The following SPATA31D1 variants were observed in gnomAD, a reference collection of about 807,000 sequenced individuals.
SPATA31D1 encodes SPATA31 subfamily D member 1, also known as spermatogenesis-associated protein 31D1.
In SPATA31D1, 6 loss-of-function variants were observed where a neutral mutation model predicts 13.2. That is an observed-to-expected ratio of 0.46 (90% CI 0.25 to 0.90). The LOEUF is 0.90. Ranked by LOEUF, SPATA31D1 falls within the 40% of genes least tolerant of loss-of-function variation. SPATA31D1 has a pLI of 0.18. For missense variants in SPATA31D1, 2,445 were observed against 1,884.7 expected, an observed-to-expected ratio of 1.30 and a Z score of -5.50; for synonymous variants, 903 against 718.8, an observed-to-expected ratio of 1.26 and a Z score of -4.10.
rs375482322 is a variant in SPATA31D1, at chr9:81,990,895, A to T, written c.425A>T (p.Gln142Leu). Reference sequence around the variant, plus strand: ...AAGAGAGCAACTGCTGATATCCAGCAACTGCTGTCTTGGGAGTCCCTGAAA... The same window carrying T: ...AAGAGAGCAACTGCTGATATCCAGCTACTGCTGTCTTGGGAGTCCCTGAAA... The part of the protein sequence containing the change: ...VCKRATADIQ[Q>L]LLSWESLKDA... The change falls in exon 4 of 4, where the codon CAA becomes CTA. Residue 142 changes from glutamine (Q) to leucine (L), a missense_variant. By Grantham distance (113) the Gln-to-Leu change is moderately radical (BLOSUM62 -2). Coordinates refer to ENST00000344803, the MANE Select transcript of SPATA31D1 (RefSeq NM_001001670.3). The T allele has an allele frequency of 6.2e-7, 1 of 1,613,876 alleles. No homozygotes were observed. Among genetic ancestry groups the T allele is most frequent in the Non-Finnish European group, 8.5e-7 (1 of 1,179,866 alleles).
chr9:81,992,096 T>A lies in SPATA31D1; in HGVS notation c.1626T>A (p.His542Gln). 2 of 1,613,750 alleles carry A rather than the reference T, an allele frequency of 1.2e-6. 1 individual carries two copies. Among genetic ancestry groups the A allele is most frequent in the Non-Finnish European group, 1.7e-6 (2 of 1,179,726 alleles). The change falls in exon 4 of 4, where the codon CAT (histidine) becomes CAA (glutamine). Residue 542 changes from histidine to glutamine, a missense_variant. His to Gln is a conservative substitution (Grantham distance 24). Transcript: ENST00000344803. ...FNGITNTSIS[H>Q]ESPVLPPPQP... Reference sequence around the variant, plus strand: ...GCATTACAAATACATCTATATCCCATGAATCCCCAGTACTTCCCCCTCCCC... The same window carrying A: ...GCATTACAAATACATCTATATCCCAAGAATCCCCAGTACTTCCCCCTCCCC...
Position 81,992,657 on chromosome 9 carries a change from T to C in SPATA31D1, c.2187T>C (p.His729=), listed in dbSNP as rs745710584. ...ISELSVSERI[H]GPLNISLVEG... is the part of the protein sequence containing the mutation. ...AGCTATCTGTGTCAGAGAGAATTCA[T>C]GGACCGTTAAATATCTCTTTGGTTG... The change falls in exon 4 of 4, where the codon CAT becomes CAC. Residue 729 remains histidine, a synonymous_variant. Transcript: ENST00000344803. 2.5e-6 allele frequency: 4 copies of C among 1,613,718 alleles called. No homozygotes were observed. Among genetic ancestry groups the C allele is most frequent in the Non-Finnish European group, 2.5e-6 (3 of 1,179,744 alleles).
chr9:81,987,972 A>G (rs1824884224), upstream of SPATA31D1, among the ~76,000 whole-genome samples: 1 of 152,182 alleles, frequency 6.6e-6, no homozygotes. Context: ...GTGCACATGG[A>G]ATACATGAGG....
Position 81,991,646 on chromosome 9 carries a change from G to A in SPATA31D1, c.1176G>A (p.Gly392=). The A allele has an allele frequency of 5.6e-6, 9 of 1,613,914 alleles. No homozygotes were observed. Among genetic ancestry groups the A allele is most frequent in the Admixed American group, 1.7e-5 (1 of 60,018 alleles). ...ATTCTTCTGAGGCCTTTTTAGGGGG[G>A]CACTCTGTGGCCAACCTCATAGAGC... The part of the protein sequence containing the change: ...TLHSSEAFLG[G]HSVANLIEPV... The change falls in exon 4 of 4, where the codon GGG becomes GGA. Residue 392 remains glycine, a synonymous_variant. Coordinates refer to ENST00000344803, the MANE Select transcript of SPATA31D1 (RefSeq NM_001001670.3).
In SPATA31D1 at chr9:81,992,997, G is replaced by C. The variant is rs773588800; in HGVS notation, c.2527G>C (p.Glu843Gln). The C allele has an allele frequency of 7.4e-6, 12 of 1,613,682 alleles. No homozygotes were observed. The highest frequency in any genetic ancestry group is 1.0e-5 in the Non-Finnish European group (12 of 1,179,732). The change falls in exon 4 of 4, where the codon GAG becomes CAG. Residue 843 changes from glutamate to glutamine, a missense_variant. Coordinates refer to ENST00000344803, the MANE Select transcript of SPATA31D1 (RefSeq NM_001001670.3). The part of the protein sequence containing the change: ...RLSKKFEEIN[E>Q]GRMPGTVHSS... ...GAGCAAGAAATTTGAGGAAATCAAT[G>C]AGGGTCGAATGCCTGGGACTGTGCA...
In SPATA31D1 at chr9:81,993,075, A is replaced by C; in HGVS notation, c.2605A>C (p.Ser869Arg). 6.2e-7 allele frequency: 1 copy of C among 1,613,834 alleles called. No homozygotes were observed. Among genetic ancestry groups the C allele is most frequent in the Non-Finnish European group, 8.5e-7 (1 of 1,179,750 alleles). Reference protein sequence around the residue: ...QTMSLPEKSHSQIKHRNLVTL... With the variant: ...QTMSLPEKSHRQIKHRNLVTL... The stretch of plus-strand genomic sequence containing the variant: ...AATGTCTCTTCCTGAGAAATCCCAC[A>C]GCCAAATTAAACATCGAAATCTGGT... The change falls in exon 4 of 4, where the codon AGC (serine) becomes CGC (arginine). Residue 869 changes from serine (S) to arginine (R), a missense_variant. Ser to Arg is a moderately radical substitution (Grantham distance 110). Coordinates refer to ENST00000344803, the MANE Select transcript of SPATA31D1 (RefSeq NM_001001670.3).
At chr9:81,987,574 A>G (rs1272220188), upstream of SPATA31D1, among the ~76,000 whole-genome samples, 11 of 152,354 alleles carry the variant, frequency 7.2e-5, no homozygotes, top group Admixed American at 1.3e-4. Context: ...AGTATGTTCC[A>G]AAAGTGCTTG....
intron 2 of SPATA31D1, 92 bp downstream of exon 2, chr9:81,989,915 T>G: frequency 7.0e-7 from 1 of 1,426,628 alleles, no homozygotes; most frequent in Non-Finnish European, 9.6e-7. Flanking sequence ...GAATGTCAGT[T>G]ACTAGATGCA....
rs1338373297 is a variant in SPATA31D1 at position 81,995,173 on chromosome 9, A to G, written c.4703A>G (p.Gln1568Arg). ...TGQKMLPKHL[Q>R]GGKFPPTK is the part of the protein sequence containing the mutation. ...CAGAAAATGCTTCCAAAGCATTTAC[A>G]GGGAGGAAAATTTCCCCCCACAAAA... is the stretch of plus-strand genomic sequence containing the variant. Residue 1568 changes from glutamine (Q) to arginine (R), a missense_variant, in exon 4 of 4, where the codon CAG becomes CGG. By Grantham distance (43) the Gln-to-Arg change is conservative (BLOSUM62 1). Transcript: ENST00000344803. 2 of 1,541,876 alleles carry G rather than the reference A, an allele frequency of 1.3e-6. No individual in the cohort carries two copies. The highest frequency in any genetic ancestry group is 4.1e-5 in the Admixed American group (2 of 48,726).
chr9:81,988,002 G>A (rs1277417731), upstream of SPATA31D1, among the ~76,000 whole-genome samples: 1 of 152,172 alleles, frequency 6.6e-6, no homozygotes, highest in Non-Finnish European at 1.5e-5. Context: ...ACAGAACTGT[G>A]CATGCGGAGG....
rs976544795 is a variant in SPATA31D1, at chr9:81,988,938, G to A, written c.120G>A (p.Leu40=). 2.5e-6 allele frequency: 4 copies of A among 1,612,288 alleles called. No homozygotes were observed. Among genetic ancestry groups the A allele is most frequent in the Admixed American group, 1.7e-5 (1 of 59,992 alleles). Residue 40 remains leucine (L), a synonymous_variant, in exon 1 of 4, where the codon CTG becomes CTA. Coordinates refer to ENST00000344803, the MANE Select transcript of SPATA31D1 (RefSeq NM_001001670.3). ...TGAGTGGGTTGGGGTTGTTTATACT[G>A]TACTTGTTCTACGTGGTATTGACCC... is the stretch of plus-strand genomic sequence containing the variant. ...ICLSGLGLFI[L]YLFYVVLTLY...
chr9:81,990,663 A>G (rs1824933987), intron 3 of SPATA31D1, 110 bp from the exon 4 acceptor site: 3 of 1,407,872 alleles, frequency 2.1e-6, no homozygotes, highest in Non-Finnish European at 2.9e-6. Flanking sequence ...AGGACCTCAT[A>G]TACGGTGAGG....
Position 81,991,026 on chromosome 9 carries a change from C to T in SPATA31D1, c.556C>T (p.Leu186=), listed in dbSNP as rs559788211. Residue 186 remains leucine, a synonymous_variant, in exon 4 of 4, where the codon CTG becomes TTG. Transcript: ENST00000344803. ...AGCAACCCCTCCAGAAGACCTAATA[C>T]TGTCCCCTCGGCCTAAGGCCTCTCC... ...PSATPPEDLI[L]SPRPKASPPP... The T allele has an allele frequency of 5.6e-6, 9 of 1,613,726 alleles. No homozygotes were observed. Among genetic ancestry groups the T allele is most frequent in the Admixed American group, 1.7e-5 (1 of 60,012 alleles).
Position 81,991,753 on chromosome 9 carries a change from G to C in SPATA31D1, c.1283G>C (p.Trp428Ser), listed in dbSNP as rs759769699. The C allele has an allele frequency of 3.7e-6, 6 of 1,613,586 alleles. No homozygotes were observed. Among genetic ancestry groups the C allele is most frequent in the Non-Finnish European group, 4.2e-6 (5 of 1,179,730 alleles). ...AAAAAAAGGGGTGATTTCCTGATGT[G>C]GAAAGAAAATGGAAAGAAACCAGGA... is the stretch of plus-strand genomic sequence containing the variant. ...QVKKRGDFLM[W>S]KENGKKPGSF... Residue 428 changes from tryptophan to serine, a missense_variant, in exon 4 of 4, where the codon TGG becomes TCG. Trp to Ser is a radical substitution (Grantham distance 177). Transcript: ENST00000344803.
Position 81,992,427 on chromosome 9 carries a change from C to G in SPATA31D1, c.1957C>G (p.Pro653Ala). 6.2e-7 allele frequency: 1 copy of G among 1,613,082 alleles called. No homozygotes were observed. The highest frequency in any genetic ancestry group is 1.1e-5 in the South Asian group (1 of 91,046). ...AAAATCCCAGGAAGACTTTTGTCCT[C>G]CAGCTCCCAATCCTGAATTGGTCAG... Reference protein sequence around the residue: ...VQKSQEDFCPPAPNPELVRKS... With the variant: ...VQKSQEDFCPAAPNPELVRKS... Residue 653 changes from proline to alanine, a missense_variant, in exon 4 of 4, where the codon CCA becomes GCA. Transcript: ENST00000344803.
Position 81,990,947 on chromosome 9 carries a change from G to A in SPATA31D1, c.477G>A (p.Leu159=). The A allele has an allele frequency of 6.2e-7, 1 of 1,613,804 alleles. No homozygotes were observed. The highest frequency in any genetic ancestry group is 8.5e-7 in the Non-Finnish European group (1 of 1,179,832). Residue 159 remains leucine, a synonymous_variant, in exon 4 of 4, where the codon TTG becomes TTA. Coordinates refer to ENST00000344803, the MANE Select transcript of SPATA31D1 (RefSeq NM_001001670.3). ...ATGCTGCTCCCTCTGTGTCCCCTTTGGCTTCTTCGGCTTCTGCGACTGAGT... is the reference window on the plus strand; with the variant it reads ...ATGCTGCTCCCTCTGTGTCCCCTTTAGCTTCTTCGGCTTCTGCGACTGAGT... ...LKDAAPSVSP[L]ASSASATESS... is the part of the protein sequence containing the mutation.
At chr9:81,990,377 C>G (rs775004664) in intron 2 of SPATA31D1, 40 bp from the exon 3 acceptor site, 2 of 1,476,292 alleles carry the variant, frequency 1.4e-6, no homozygotes, top group Non-Finnish European at 1.9e-6. Flanking sequence ...CTGTATGAGC[C>G]GTGTGCCTCT....
Position 81,991,051 on chromosome 9 carries a change from C to T in SPATA31D1, c.581C>T (p.Pro194Leu). The change falls in exon 4 of 4, where the codon CCA becomes CTA. Residue 194 changes from proline (P) to leucine (L), a missense_variant. Transcript: ENST00000344803. ...LILSPRPKAS[P>L]PPPLILSPDL... ...CTGTCCCCTCGGCCTAAGGCCTCTC[C>T]ACCACCCCCCTTAATTCTCTCACCT... 1 of 1,613,710 alleles carries T rather than the reference C, an allele frequency of 6.2e-7. No individual in the cohort carries two copies. Among genetic ancestry groups the T allele is most frequent in the Non-Finnish European group, 8.5e-7 (1 of 1,179,730 alleles).
rs1007670551 is a variant in SPATA31D1, at chr9:81,990,808, A to G, written c.338A>G (p.Gln113Arg). ...GPPVSCSPRG[Q>R]HHDTNHFRRL... ...CCTGTTTCCTGCAGTCCTCGGGGCC[A>G]GCATCATGATACCAACCACTTTCGT... Residue 113 changes from glutamine to arginine, a missense_variant, in exon 4 of 4, where the codon CAG becomes CGG. By Grantham distance (43) the Gln-to-Arg change is conservative. Transcript: ENST00000344803. 4 of 1,613,272 alleles carry G rather than the reference A, an allele frequency of 2.5e-6. No individual in the cohort carries two copies. Among genetic ancestry groups the G allele is most frequent in the African/African-American group, 2.7e-5 (2 of 74,898 alleles).
Sources: allele counts gnomAD v4.1 joint callset (sites outside exome capture counted in the v4.1 genomes callset), GRCh38; gene constraint gnomAD v4.1.1; transcripts MANE v1.5; gene names NCBI Gene and HGNC (gene_info 2026-07-23, HGNC 2026-07-21).